The following SAMHD1 variants were observed in gnomAD, a reference collection of about 807,000 sequenced individuals.
SAMHD1 encodes deoxynucleoside triphosphate triphosphohydrolase SAMHD1.
A neutral mutation model predicts 79.6 loss-of-function variants in SAMHD1; 54 were observed. That is an observed-to-expected ratio of 0.68 (90% CI 0.55 to 0.85). SAMHD1 has a LOEUF of 0.85. Ranked by LOEUF, SAMHD1 falls within the 40% of genes least tolerant of loss-of-function variation. The pLI, the probability that SAMHD1 is intolerant of heterozygous loss-of-function variation, is 0.00. For missense variants in SAMHD1, 663 were observed against 782.7 expected (o/e 0.85, Z 1.82); for synonymous variants, 260 against 264.1 (o/e 0.98, Z 0.15).
intron 4 of SAMHD1, among the ~76,000 whole-genome samples, chr20:36,931,395 G>A (rs1158550734): frequency 3.3e-5 from 5 of 152,178 alleles, no homozygotes; most frequent in Non-Finnish European, 7.3e-5. Context: ...CAGCACTTTG[G>A]GAGGCTGAGG....
chr20:36,936,977 C>T (rs2063608334), intron 3 of SAMHD1, among the ~76,000 whole-genome samples: 1 of 150,858 alleles, frequency 6.6e-6, no homozygotes, highest in African/African-American at 2.4e-5. Flanking sequence ...CCCGTCTCTA[C>T]TAAAAATACA....
At chr20:36,947,664 G>T (rs1366204242) in intron 1 of SAMHD1, among the ~76,000 whole-genome samples, 1 of 151,050 alleles carries the variant, frequency 6.6e-6, no homozygotes, top group Non-Finnish European at 1.5e-5. Flanking sequence ...CAGAACTCTG[G>T]ACTATTTTCT....
chr20:36,941,426 A>C (rs2063643607), intron 2 of SAMHD1, among the ~76,000 whole-genome samples: 2 of 152,190 alleles, frequency 1.3e-5, no homozygotes. Context: ...ACTTCCTTTT[A>C]ACCAAACTGA....
chr20:36,934,030 A>G (rs1445300084), intron 4 of SAMHD1, among the ~76,000 whole-genome samples: 1 of 150,780 alleles, frequency 6.6e-6, no homozygotes, highest in Non-Finnish European at 1.5e-5. Flanking sequence ...TGGGCGACGG[A>G]GTGAGACTCC....
rs1210940590 is a variant in SAMHD1, at chr20:36,891,269, AG to A, written c.*1662del. On this transcript the variant is annotated 3_prime_UTR_variant, in exon 16 of 16. Transcript: ENST00000646673. ...ATCATACAGGATGGCAGACATTCCA[AG>A]TACTCTTCACCCCAGTGTGGACGGA... 1.3e-5 allele frequency: 2 copies of A among 152,280 alleles called. No homozygotes were observed. The highest frequency in any genetic ancestry group is 2.9e-5 in the Non-Finnish European group (2 of 68,098). The allele number at this position is 152,280 out of a possible 1,614,324, so 9.4% of individuals were successfully genotyped here. A position where few individuals can be genotyped will look rare whatever the true frequency, so the allele number is the denominator to read the frequency against.
At chr20:36,916,545 A>AATTTATTATT (rs2063477004) in intron 9 of SAMHD1, 177 bp downstream of exon 9, 1 of 598,450 alleles carries the variant, frequency 1.7e-6, no homozygotes, top group African/African-American at 1.9e-5. Flanking sequence ...TGTCCATGTT[A>AATTTATTATT]ATTTTATTAT....
intron 1 of SAMHD1, 105 bp from the exon 2 acceptor site, chr20:36,946,909 A>G (rs1315384361): frequency 1.2e-6 from 1 of 834,478 alleles, no homozygotes; most frequent in Non-Finnish European, 2.0e-6. Flanking sequence ...GTGAGTACCC[A>G]CTGCAGGCAA....
intron 5 of SAMHD1, among the ~76,000 whole-genome samples, chr20:36,929,056 GAA>G (rs773907363): frequency 4.1e-5 from 5 of 123,454 alleles, no homozygotes; most frequent in East Asian, 2.3e-4. Context: ...GACTCCATCT[GAA>G]AAAAAAAAAA....
In SAMHD1 at chr20:36,902,840, C is replaced by T. The variant is rs576747151; in HGVS notation, c.1503+1317G>A. Among the ~76,000 whole-genome samples, 14 of 151,712 alleles carry T rather than the reference C, an allele frequency of 9.2e-5. No homozygotes were observed. In the South Asian group the frequency reaches 2.9e-3, roughly 32 times the overall value. Reference sequence around the variant, plus strand: ...GCAACCTCTGCCTTCTGGGTTCAAGCAATTCTCCTGCCTCAGCTTCCCAAG... The same window carrying T: ...GCAACCTCTGCCTTCTGGGTTCAAGTAATTCTCCTGCCTCAGCTTCCCAAG... On this transcript the variant is annotated intron_variant, in intron 13 of 15. Transcript: ENST00000646673.
chr20:36,913,600 C>T (rs1277553785), intron 9 of SAMHD1, among the ~76,000 whole-genome samples: 1 of 147,452 alleles, frequency 6.8e-6, no homozygotes, highest in South Asian at 2.2e-4. Flanking sequence ...AAGACTCCAA[C>T]TCAAAGAAAA....
intron 1 of SAMHD1, among the ~76,000 whole-genome samples, chr20:36,949,191 G>A (rs1048800770): frequency 6.6e-6 from 1 of 151,778 alleles, no homozygotes; most frequent in Non-Finnish European, 1.5e-5. Flanking sequence ...TTGAACCCGA[G>A]AGGCAGAGGT....
chr20:36,946,923 A>G (rs2063690627), intron 1 of SAMHD1, 119 bp from the exon 2 acceptor site: 1 of 735,832 alleles, frequency 1.4e-6, no homozygotes, highest in Non-Finnish European at 2.3e-6. Context: ...CAGGCAATGG[A>G]TTGTGCCAAG....
At chr20:36,905,748 A>G (rs1050556090) in intron 11 of SAMHD1, among the ~76,000 whole-genome samples, 4 of 152,104 alleles carry the variant, frequency 2.6e-5, no homozygotes, top group Non-Finnish European at 5.9e-5. Context: ...AGGCGGGCGG[A>G]TCACTTGAGG....
At position 36,916,785 on chromosome 20, in the gene SAMHD1, G is replaced by T. The variant is rs2146116905; in HGVS notation, c.999C>A (p.Arg333=). The T allele has an allele frequency of 1.2e-6, 2 of 1,613,998 alleles. No individual in the cohort carries two copies. The highest frequency in any genetic ancestry group is 1.7e-6 in the Non-Finnish European group (2 of 1,179,998). Residue 333 remains arginine, a synonymous_variant, in exon 9 of 16, where the codon CGC becomes CGA. Transcript: ENST00000646673. ...CACAGACACGGGCAAACTTAATAAA[G>T]CGCTTGTAATCAAAATTATTTTGGA... ...LGIQNNFDYK[R]FIKFARVCEV... is the part of the protein sequence containing the mutation.
intron 7 of SAMHD1, 200 bp from the exon 8 acceptor site, chr20:36,917,249 T>C (rs1236391421): frequency 1.7e-6 from 1 of 584,850 alleles, no homozygotes; most frequent in African/African-American, 1.9e-5. Flanking sequence ...CTAAGGTATA[T>C]GATACCCTAT....
At chr20:36,925,349 G>C (rs2063530389) in intron 6 of SAMHD1, among the ~76,000 whole-genome samples, 1 of 152,134 alleles carries the variant, frequency 6.6e-6, no homozygotes, top group African/African-American at 2.4e-5. Flanking sequence ...GAAGGTCCTG[G>C]AGAGAGACCA....
At chr20:36,951,411 C>T (rs1198097318) in intron 1 of SAMHD1, 25 bp downstream of exon 1, 3 of 1,612,342 alleles carry the variant, frequency 1.9e-6, no homozygotes, top group Non-Finnish European at 2.5e-6. Context: ...CGCCCTTCGC[C>T]CCTCAGCCCC....
intron 13 of SAMHD1, 78 bp from the exon 14 acceptor site, chr20:36,898,622 A>G (rs763982817): frequency 4.5e-5 from 53 of 1,170,932 alleles, no homozygotes; most frequent in Non-Finnish European, 3.8e-5. Flanking sequence ...ATAACAAGAA[A>G]TGGAACAGAG....
intron 9 of SAMHD1, chr20:36,916,487 C>T: frequency 2.3e-6 from 1 of 438,100 alleles, no homozygotes; most frequent in Non-Finnish European, 4.1e-6. Flanking sequence ...ATGCAACCAA[C>T]CAAACAAAAA....
Sources: allele counts gnomAD v4.1 joint callset (sites outside exome capture counted in the v4.1 genomes callset), GRCh38; gene constraint gnomAD v4.1.1; transcripts MANE v1.5; gene names NCBI Gene and HGNC (gene_info 2026-07-23, HGNC 2026-07-21).